SLC7A14: variants seen among roughly 807,000 people sequenced by gnomAD.
SLC7A14 encodes gamma-aminobutyric acid transporter SLC7A14.
In SLC7A14, 37 loss-of-function variants were observed where a neutral mutation model predicts 60.2. That is an observed-to-expected ratio of 0.61 (90% CI 0.47 to 0.81). The LOEUF (loss-of-function observed/expected upper bound fraction) is 0.81. Among genes scored for constraint, SLC7A14 ranks in the 30% least tolerant of loss-of-function variants. The pLI, the probability that SLC7A14 is intolerant of heterozygous loss-of-function variation, is 0.00. For missense variants in SLC7A14, 886 were observed against 982.7 expected (o/e 0.90, Z 1.32); for synonymous variants, 399 against 395.8 (o/e 1.01, Z -0.10).
intron 2 of SLC7A14, among the ~76,000 whole-genome samples, chr3:170,519,203 G>A (rs527707409): frequency 5.3e-5 from 8 of 152,220 alleles, no homozygotes; most frequent in South Asian, 2.1e-4. Flanking sequence ...TCTTCCCATC[G>A]TAAATTGGGA....
At chr3:170,560,892 A>C (rs1422346568) in intron 1 of SLC7A14, among the ~76,000 whole-genome samples, 3 of 152,222 alleles carry the variant, frequency 2.0e-5, no homozygotes, top group Non-Finnish European at 4.4e-5. Context: ...TAACCACTTT[A>C]ACCACTTTAC....
At chr3:170,579,866 G>T (rs575230504) in intron 1 of SLC7A14, among the ~76,000 whole-genome samples, 110 of 152,324 alleles carry the variant, frequency 7.2e-4, no homozygotes, top group African/African-American at 2.5e-3. Flanking sequence ...TTGAGTTTCT[G>T]AAGTTGCCTC....
rs1307197717 is a variant in SLC7A14, at chr3:170,463,167, C to G, written c.*3888G>C. ...TGTGAGTGATCCCTCACCTGCCTTC[C>G]TAGCATTATTTCTTATTGTTGCATG... On this transcript the variant is annotated 3_prime_UTR_variant, in exon 8 of 8. Coordinates refer to ENST00000231706, the MANE Select transcript of SLC7A14 (RefSeq NM_020949.3). 6.6e-6 allele frequency: 1 copy of G among 152,114 alleles called. No homozygotes were observed. The highest frequency in any genetic ancestry group is 1.5e-5 in the Non-Finnish European group (1 of 68,018). 9.4% of individuals were successfully genotyped at this position (152,114 alleles called of 1,614,324 possible). A position where few individuals can be genotyped will look rare whatever the true frequency, so the allele number is the denominator to read the frequency against.
intron 7 of SLC7A14, among the ~76,000 whole-genome samples, chr3:170,479,605 A>G (rs1387676568): frequency 6.6e-6 from 1 of 152,250 alleles, no homozygotes; most frequent in Non-Finnish European, 1.5e-5. Flanking sequence ...ACAGAGTCAT[A>G]TTAGTTATTA....
At chr3:170,493,252 C>T (rs1290877441) in intron 4 of SLC7A14, among the ~76,000 whole-genome samples, 1 of 152,202 alleles carries the variant, frequency 6.6e-6, no homozygotes, top group African/African-American at 2.4e-5. Flanking sequence ...TTAAACTCTT[C>T]AAGACCACAG....
chr3:170,486,714 A>G (rs926076043), intron 4 of SLC7A14, among the ~76,000 whole-genome samples: 1 of 152,102 alleles, frequency 6.6e-6, no homozygotes, highest in African/African-American at 2.4e-5. Context: ...TGTACTAAAA[A>G]TACAAAAATT....
intron 4 of SLC7A14, chr3:170,496,640 A>G (rs1577513183): frequency 7.0e-7 from 1 of 1,431,358 alleles, no homozygotes; most frequent in Non-Finnish European, 9.8e-7. Context: ...GCCCGGCTGG[A>G]GTCTGGGATG....
At chr3:170,496,236 G>A in intron 4 of SLC7A14, 1 of 926,740 alleles carries the variant, frequency 1.1e-6, no homozygotes, top group Non-Finnish European at 1.8e-6. Context: ...ACAGTAGGAG[G>A]AGATCGCCAA....
At chr3:170,506,825 C>T (rs533019185) in intron 2 of SLC7A14, among the ~76,000 whole-genome samples, 1 of 152,170 alleles carries the variant, frequency 6.6e-6, no homozygotes, top group Admixed American at 6.5e-5. Flanking sequence ...GGAGAAAGAC[C>T]CAGCTGGGAG....
intron 2 of SLC7A14, among the ~76,000 whole-genome samples, chr3:170,521,870 G>A (rs557224453): frequency 2.0e-5 from 3 of 152,042 alleles, no homozygotes; most frequent in South Asian, 2.1e-4. Flanking sequence ...GTGGTGAGCC[G>A]AGATCGTGCC....
At chr3:170,499,755 C>G (rs1712544147) in intron 3 of SLC7A14, among the ~76,000 whole-genome samples, 1 of 152,124 alleles carries the variant, frequency 6.6e-6, no homozygotes, top group Non-Finnish European at 1.5e-5. Context: ...GGACTCCTGC[C>G]CTCTATAGAG....
At chr3:170,513,355 T>C (rs1338592401) in intron 2 of SLC7A14, among the ~76,000 whole-genome samples, 1 of 152,244 alleles carries the variant, frequency 6.6e-6, no homozygotes, top group African/African-American at 2.4e-5. Context: ...TGGTTATTTT[T>C]CTTTAGAAGT....
chr3:170,539,565 C>T (rs1359922985), intron 1 of SLC7A14, among the ~76,000 whole-genome samples: 2 of 152,112 alleles, frequency 1.3e-5, no homozygotes, highest in Non-Finnish European at 2.9e-5. Flanking sequence ...CTTGATTTGA[C>T]ATTTAATTGT....
intron 5 of SLC7A14, among the ~76,000 whole-genome samples, chr3:170,485,217 G>A (rs1380534724): frequency 6.6e-6 from 1 of 152,208 alleles, no homozygotes; most frequent in Non-Finnish European, 1.5e-5. Context: ...CCTCTGGGTA[G>A]GCAGCTGAAT....
At chr3:170,515,445 G>A (rs1037197101) in intron 2 of SLC7A14, among the ~76,000 whole-genome samples, 1 of 152,070 alleles carries the variant, frequency 6.6e-6, no homozygotes, top group East Asian at 1.9e-4. Flanking sequence ...AAAGCTGAAG[G>A]ATCCATATCT....
intron 1 of SLC7A14, among the ~76,000 whole-genome samples, chr3:170,540,491 G>C (rs1185571617): frequency 6.6e-6 from 1 of 151,342 alleles, no homozygotes; most frequent in Non-Finnish European, 1.5e-5. Context: ...AAATAGTTGA[G>C]ACTTTTGACA....
At chr3:170,531,868 A>G (rs1216818634) in intron 1 of SLC7A14, among the ~76,000 whole-genome samples, 1 of 152,170 alleles carries the variant, frequency 6.6e-6, no homozygotes, top group African/African-American at 2.4e-5. Context: ...GCTTGCTGGC[A>G]TGCTCGAGGG....
chr3:170,508,931 T>C (rs1030317529), intron 2 of SLC7A14, among the ~76,000 whole-genome samples: 3 of 152,192 alleles, frequency 2.0e-5, no homozygotes, highest in African/African-American at 7.2e-5. Context: ...CCATTATTGC[T>C]GTCTTGAGAA....
intron 2 of SLC7A14, among the ~76,000 whole-genome samples, chr3:170,516,324 T>G (rs1713157334): frequency 6.6e-6 from 1 of 152,206 alleles, no homozygotes; most frequent in Non-Finnish European, 1.5e-5. Context: ...AGTTTTGATC[T>G]GGAAAAGTGC....
Sources: gnomAD v4.1 joint callset for allele counts (sites outside exome capture counted in the v4.1 genomes callset) on GRCh38, gnomAD v4.1.1 for gene constraint, MANE v1.5 for transcripts, NCBI Gene and HGNC (gene_info 2026-07-23, HGNC 2026-07-21) for gene names.